Variants in KIF26B observed in about 807,000 individuals in gnomAD.
KIF26B encodes the protein kinesin-like protein KIF26B.
KIF26B carries 63 observed loss-of-function variants against 151.2 expected under a neutral mutation model. The observed-to-expected ratio is 0.42, with a 90% confidence interval of 0.34 to 0.51. KIF26B has a LOEUF of 0.51. Ranked by LOEUF, KIF26B falls within the 20% of genes least tolerant of loss-of-function variation. The probability of loss-of-function intolerance (pLI) is 0.07; values close to 1 mark genes in which losing one functional copy is unlikely to be tolerated. For synonymous variants in KIF26B, 1,357 were observed against 1,262.1 expected (o/e 1.08, Z -1.59); for missense variants, 2,813 against 2,913.6 (o/e 0.97, Z 0.79).
chr1:245,641,282 G>T (rs2043889099), intron 9 of KIF26B, among the ~76,000 whole-genome samples: 1 of 127,138 alleles, frequency 7.9e-6, no homozygotes, highest in Non-Finnish European at 1.7e-5. Flanking sequence ...TTTGACCTTT[G>T]TGAGTTTAAT....
intron 5 of KIF26B, among the ~76,000 whole-genome samples, chr1:245,578,261 C>G (rs1389321686): frequency 6.6e-6 from 1 of 152,238 alleles, no homozygotes; most frequent in Non-Finnish European, 1.5e-5. Context: ...TCCACATACC[C>G]AGAACCTGGG....
chr1:245,465,018 G>T (rs1341524434), intron 4 of KIF26B, among the ~76,000 whole-genome samples: 1 of 132,714 alleles, frequency 7.5e-6, no homozygotes, highest in African/African-American at 2.9e-5. Flanking sequence ...TCACTCTGTC[G>T]CCCAGGCTGG....
chr1:245,235,107 C>T (rs3124448), intron 2 of KIF26B, among the ~76,000 whole-genome samples: 74,430 of 152,036 alleles, frequency 0.49, 21,529 homozygotes, highest in Non-Finnish European at 0.63. Flanking sequence ...GGAGGGGCTC[C>T]GCTTCCCTTC....
At chr1:245,438,664 A>G (rs1209925214) in intron 4 of KIF26B, among the ~76,000 whole-genome samples, 2 of 151,898 alleles carry the variant, frequency 1.3e-5, no homozygotes, top group Non-Finnish European at 2.9e-5. Flanking sequence ...CAACTGATAA[A>G]TGAATAGACA....
intron 9 of KIF26B, among the ~76,000 whole-genome samples, chr1:245,627,084 G>A (rs1002427689): frequency 6.6e-6 from 1 of 152,052 alleles, no homozygotes; most frequent in African/African-American, 2.4e-5. Context: ...GTGTCCCATT[G>A]GTCTATGTGT....
At chr1:245,314,951 C>T (rs1295386391) in intron 2 of KIF26B, among the ~76,000 whole-genome samples, 1 of 152,094 alleles carries the variant, frequency 6.6e-6, no homozygotes, top group African/African-American at 2.4e-5. Context: ...GAGGCCGAGG[C>T]GGGTGGATCA....
At chr1:245,618,199 C>T (rs1771517) in intron 9 of KIF26B, among the ~76,000 whole-genome samples, 17,875 of 152,218 alleles carry the variant, frequency 0.12, 1,306 homozygotes, top group African/African-American at 0.19. Flanking sequence ...CTTTGAATTT[C>T]AGCAGTGTGG....
chr1:245,254,949 T>C (rs1670506457), intron 2 of KIF26B, among the ~76,000 whole-genome samples: 1 of 152,228 alleles, frequency 6.6e-6, no homozygotes, highest in Non-Finnish European at 1.5e-5. Context: ...GTGGTTTGAA[T>C]GTGTCCCTGA....
chr1:245,156,940 C>A lies in KIF26B; in HGVS notation c.465+257C>A, dbSNP rs551483840. Among the ~76,000 whole-genome samples the A allele has an allele frequency of 3.2e-3, 493 of 152,340 alleles. 2 individuals carry two copies. Among genetic ancestry groups the A allele is most frequent in the Non-Finnish European group, 5.4e-3 (368 of 68,016 alleles). On this transcript the variant is annotated intron_variant, in intron 2 of 14. Coordinates refer to ENST00000407071, the MANE Select transcript of KIF26B (RefSeq NM_018012.4). ...GCGCCCGTGGCCACAGGCCTCACGG[C>A]CCACGGGGGAGGCCCCCAGGTGGTC...
chr1:245,681,672 G>C (rs2044441550), intron 10 of KIF26B, among the ~76,000 whole-genome samples: 2 of 152,178 alleles, frequency 1.3e-5, no homozygotes, highest in South Asian at 4.1e-4. Context: ...TGAATGTGTG[G>C]ATTCATCAGA....
chr1:245,391,992 C>CA (rs1180733016), intron 3 of KIF26B, among the ~76,000 whole-genome samples: 1 of 148,638 alleles, frequency 6.7e-6, no homozygotes, highest in East Asian at 2.0e-4. Flanking sequence ...ATTTCGAGAG[C>CA]AGAGTTACAG....
chr1:245,465,590 C>CAG (rs544899955), intron 4 of KIF26B, among the ~76,000 whole-genome samples: 238 of 152,344 alleles, frequency 1.6e-3, no homozygotes, highest in African/African-American at 5.5e-3. Flanking sequence ...GCCTTTAGCA[C>CAG]GTAGATATTC....
intron 2 of KIF26B, among the ~76,000 whole-genome samples, chr1:245,356,236 C>T (rs983170589): frequency 3.3e-5 from 5 of 152,092 alleles, no homozygotes; most frequent in Non-Finnish European, 7.4e-5. Context: ...TACTAGCAAA[C>T]GTGACAAAAG....
chr1:245,559,881 T>A, intron 5 of KIF26B, among the ~76,000 whole-genome samples: 1 of 145,208 alleles, frequency 6.9e-6, no homozygotes, highest in African/African-American at 2.6e-5. Context: ...GTAGGTCTAT[T>A]TTTTTTTTTT....
intron 4 of KIF26B, among the ~76,000 whole-genome samples, chr1:245,500,098 A>G (rs1399948254): frequency 6.6e-6 from 1 of 152,226 alleles, no homozygotes; most frequent in Non-Finnish European, 1.5e-5. Context: ...ACTGTGTCTT[A>G]CATATTCATT....
At chr1:245,553,454 C>T (rs1466529975) in intron 5 of KIF26B, among the ~76,000 whole-genome samples, 1 of 152,204 alleles carries the variant, frequency 6.6e-6, no homozygotes, top group African/African-American at 2.4e-5. Context: ...GGTCGTCCTC[C>T]TCTGCCGCTG....
chr1:245,650,318 T>G (rs2044001084), intron 10 of KIF26B, among the ~76,000 whole-genome samples: 1 of 152,274 alleles, frequency 6.6e-6, no homozygotes, highest in Non-Finnish European at 1.5e-5. Flanking sequence ...AATCTTCCCA[T>G]TTAATGGATA....
intron 2 of KIF26B, among the ~76,000 whole-genome samples, chr1:245,287,001 C>T (rs985047744): frequency 6.6e-6 from 1 of 151,964 alleles, no homozygotes; most frequent in Non-Finnish European, 1.5e-5. Flanking sequence ...CCCAGCTGCT[C>T]GAGAAGCAGA....
At chr1:245,281,703 T>C (rs2102968514) in intron 2 of KIF26B, among the ~76,000 whole-genome samples, 1 of 150,164 alleles carries the variant, frequency 6.7e-6, no homozygotes, top group African/African-American at 2.4e-5. Context: ...TGAATGGTAA[T>C]GCCTAGGTTT....
Sources: gnomAD v4.1 joint callset for allele counts (sites outside exome capture counted in the v4.1 genomes callset) on GRCh38, gnomAD v4.1.1 for gene constraint, MANE v1.5 for transcripts, NCBI Gene and HGNC (gene_info 2026-07-23, HGNC 2026-07-21) for gene names.